Variants in MYT1L observed in about 807,000 individuals in gnomAD.
The protein encoded by MYT1L is myelin transcription factor 1 like.
MYT1L carries 12 observed loss-of-function variants against 126.7 expected under a neutral mutation model. That is an observed-to-expected ratio of 0.09 (90% CI 0.06 to 0.15). The LOEUF is 0.15. Ranked by LOEUF, MYT1L falls within the 10% of genes least tolerant of loss-of-function variation. The probability of loss-of-function intolerance (pLI) is 1.00; values close to 1 mark genes in which losing one functional copy is unlikely to be tolerated. For synonymous variants in MYT1L, 541 were observed against 604.2 expected (o/e 0.90, Z 1.53); for missense variants, 979 against 1,585.2 (o/e 0.62, Z 6.49).
At chr2:2,005,767 C>T (rs554529900) in intron 4 of MYT1L, among the ~76,000 whole-genome samples, 17 of 146,880 alleles carry the variant, frequency 1.2e-4, no homozygotes, top group Admixed American at 5.4e-4. Context: ...TTCTTTCCTG[C>T]GTGCCTTCTT....
At chr2:1,816,413 T>G (rs2037646960) in intron 21 of MYT1L, 1 of 152,608 alleles carries the variant, frequency 6.6e-6, no homozygotes. Context: ...CCCAGAAGCT[T>G]TGGGCCCCGG....
intron 3 of MYT1L, among the ~76,000 whole-genome samples, chr2:2,123,351 T>C (rs1416549291): frequency 6.6e-6 from 1 of 152,190 alleles, no homozygotes; most frequent in Non-Finnish European, 1.5e-5. Context: ...CAGGAGACTC[T>C]GCAAGTGTCA....
At chr2:1,897,198 A>T (rs1320907545) in intron 14 of MYT1L, among the ~76,000 whole-genome samples, 1 of 152,260 alleles carries the variant, frequency 6.6e-6, no homozygotes, top group Non-Finnish European at 1.5e-5. Context: ...AAAATTGCTC[A>T]GGAAAGGAAG....
At chr2:1,901,517 C>G (rs1377925766) in intron 14 of MYT1L, among the ~76,000 whole-genome samples, 1 of 152,128 alleles carries the variant, frequency 6.6e-6, no homozygotes, top group Non-Finnish European at 1.5e-5. Flanking sequence ...CCATTTATGT[C>G]TGTTTCTGAC....
chr2:2,260,962 C>A (rs2094949384), intron 2 of MYT1L, among the ~76,000 whole-genome samples: 1 of 152,180 alleles, frequency 6.6e-6, no homozygotes, highest in South Asian at 2.1e-4. Context: ...ACACTACTCT[C>A]AGGAGCCTGT....
At chr2:1,923,472 A>G (rs938886100) in intron 9 of MYT1L, among the ~76,000 whole-genome samples, 2 of 152,252 alleles carry the variant, frequency 1.3e-5, no homozygotes, top group Non-Finnish European at 2.9e-5. Flanking sequence ...CATTTAAAAT[A>G]CTTGTTGTGA....
intron 2 of MYT1L, among the ~76,000 whole-genome samples, chr2:2,180,359 T>C (rs2091276909): frequency 7.1e-6 from 1 of 141,486 alleles, no homozygotes; most frequent in African/African-American, 2.6e-5. Context: ...AAACATAAGC[T>C]CTTAAAAAAA....
At chr2:2,044,732 A>T (rs146918841) in intron 4 of MYT1L, among the ~76,000 whole-genome samples, 5 of 152,092 alleles carry the variant, frequency 3.3e-5, no homozygotes, top group African/African-American at 1.2e-4. Flanking sequence ...CCAAAACCCA[A>T]CCCTGGTTTC....
At chr2:2,024,975 C>A (rs1297993077) in intron 4 of MYT1L, among the ~76,000 whole-genome samples, 1 of 152,274 alleles carries the variant, frequency 6.6e-6, no homozygotes, top group Non-Finnish European at 1.5e-5. Context: ...CTGACTGTCC[C>A]AGCCTGTACT....
At chr2:2,111,614 C>A (rs893162843) in intron 3 of MYT1L, among the ~76,000 whole-genome samples, 6 of 152,160 alleles carry the variant, frequency 3.9e-5, no homozygotes, top group Non-Finnish European at 8.8e-5. Context: ...GTGAATAGGG[C>A]AGTTAGTATG....
intron 21 of MYT1L, among the ~76,000 whole-genome samples, chr2:1,838,511 C>T (rs1453011120): frequency 2.0e-5 from 3 of 152,172 alleles, no homozygotes. Context: ...TCTTCCCCTC[C>T]ACCTCCTCAA....
chr2:2,059,193 G>A lies in MYT1L; in HGVS notation c.-303-5070C>T, dbSNP rs553041982. 3.5e-4 allele frequency among the ~76,000 whole-genome samples: 53 copies of A among 152,292 alleles called. No individual in the cohort carries two copies. The highest frequency in any genetic ancestry group is 3.4e-3 in the Middle Eastern group (1 of 294). On this transcript the variant is annotated intron_variant, in intron 3 of 24. Coordinates refer to ENST00000647738, the MANE Select transcript of MYT1L (RefSeq NM_001303052.2). This position sits in a 1 kb window ranked among gnomAD's most constrained non-coding sequence, Gnocchi z 4.7. The stretch of plus-strand genomic sequence containing the variant: ...CATTTCTCTGAACAAAGGGTGCCTG[G>A]CTGAGTGGGCCTGCAGTGGCCATAG...
intron 9 of MYT1L, among the ~76,000 whole-genome samples, chr2:1,927,031 T>A (rs1451878525): frequency 6.6e-6 from 1 of 152,246 alleles, no homozygotes; most frequent in Non-Finnish European, 1.5e-5. Flanking sequence ...TTTTCTATTT[T>A]AAATCTGTCA....
At chr2:2,022,186 C>T (rs1251179310) in intron 4 of MYT1L, among the ~76,000 whole-genome samples, 1 of 152,146 alleles carries the variant, frequency 6.6e-6, no homozygotes, top group Non-Finnish European at 1.5e-5. Context: ...CCCACAGGCA[C>T]ACATCTACTG....
intron 21 of MYT1L, among the ~76,000 whole-genome samples, chr2:1,813,884 G>T: frequency 9.3e-6 from 1 of 108,006 alleles, no homozygotes; most frequent in South Asian, 4.7e-4. Flanking sequence ...AAAATTAGCC[G>T]GGCGTGGTAG....
At chr2:2,143,190 T>A (rs2084295517) in intron 3 of MYT1L, among the ~76,000 whole-genome samples, 1 of 149,130 alleles carries the variant, frequency 6.7e-6, no homozygotes, top group Non-Finnish European at 1.5e-5. Context: ...CTCGGGAGGC[T>A]GAGGCAGGAG....
At chr2:1,991,692 C>A (rs373249166) in intron 5 of MYT1L, among the ~76,000 whole-genome samples, 1 of 152,152 alleles carries the variant, frequency 6.6e-6, no homozygotes, top group East Asian at 1.9e-4. Context: ...TCAGCTCAGA[C>A]CCCTCCACCC....
At chr2:2,116,480 C>T (rs191255455) in intron 3 of MYT1L, among the ~76,000 whole-genome samples, 3 of 152,260 alleles carry the variant, frequency 2.0e-5, no homozygotes, top group Admixed American at 2.0e-4. Context: ...AAACCTCCTT[C>T]CACCTTCCAC....
At chr2:2,115,972 G>A (rs1292399540) in intron 3 of MYT1L, among the ~76,000 whole-genome samples, 1 of 151,528 alleles carries the variant, frequency 6.6e-6, no homozygotes, top group Non-Finnish European at 1.5e-5. Context: ...ACGTCCAGTC[G>A]ACGAAAACAG....
Sources: gnomAD v4.1 joint callset for allele counts (sites outside exome capture counted in the v4.1 genomes callset) on GRCh38, gnomAD v4.1.1 for gene constraint, Gnocchi (gnomAD v3.1) non-coding constraint, MANE v1.5 for transcripts, NCBI Gene and HGNC (gene_info 2026-07-23, HGNC 2026-07-21) for gene names.